Variants in NDFIP2 observed in about 807,000 individuals in gnomAD.
NDFIP2 encodes the protein NEDD4 family-interacting protein 2.
Under a neutral mutation model 36.0 loss-of-function variants are expected in NDFIP2, and 19 were observed. That is an observed-to-expected ratio of 0.53 (90% CI 0.37 to 0.77). The LOEUF (loss-of-function observed/expected upper bound fraction) is 0.77, where lower values mean the gene tolerates loss of function less well. NDFIP2 is among the 30% of genes least tolerant of loss of function. The probability of loss-of-function intolerance (pLI) is 0.00; values close to 1 mark genes in which losing one functional copy is unlikely to be tolerated. For missense variants in NDFIP2, 446 were observed against 435.8 expected (o/e 1.02, Z -0.21); for synonymous variants, 181 against 167.7 (o/e 1.08, Z -0.61).
intron 3 of NDFIP2, among the ~76,000 whole-genome samples, chr13:79,536,502 T>C (rs1374673156): frequency 6.6e-6 from 1 of 152,240 alleles, no homozygotes; most frequent in African/African-American, 2.4e-5. Flanking sequence ...TTTTAAAATA[T>C]TTTGATGTCT....
At chr13:79,494,877 C>T (rs963685017) in intron 1 of NDFIP2, among the ~76,000 whole-genome samples, 4 of 151,816 alleles carry the variant, frequency 2.6e-5, no homozygotes, top group African/African-American at 9.7e-5. Context: ...TGGAGATTTT[C>T]TAAATTCTTT....
intron 1 of NDFIP2, among the ~76,000 whole-genome samples, chr13:79,500,623 A>C (rs1055999644): frequency 3.3e-5 from 5 of 152,030 alleles, no homozygotes; most frequent in Non-Finnish European, 7.4e-5. Flanking sequence ...TTACCACTAC[A>C]TACCTGTTAC....
In NDFIP2 at chr13:79,543,571, C is replaced by G; in HGVS notation, c.729C>G (p.Phe243Leu). Reference protein sequence around the residue: ...FMLAFFMAFIFNWLGFCLSFC... With the variant: ...FMLAFFMAFILNWLGFCLSFC... ...TGTTGCTTTTAGTGGCATTTATTTT[C>G]AACTGGCTTGGATTTTGTTTATCCT... Residue 243 changes from phenylalanine (F) to leucine (L), a missense_variant, in exon 5 of 8, where the codon TTC (phenylalanine) becomes TTG (leucine). Physicochemically the swap from Phe to Leu is conservative, Grantham distance 22. Around this residue, in one of 2 missense-constraint regions of NDFIP2, gnomAD observed 77 missense variants for 131.0 expected, o/e 0.59. Transcript: ENST00000218652. 1 of 1,613,624 alleles carries G rather than the reference C, an allele frequency of 6.2e-7. No individual in the cohort carries two copies. The highest frequency in any genetic ancestry group is 1.3e-5 in the African/African-American group (1 of 75,008).
At chr13:79,521,024 A>G (rs763644072) in intron 2 of NDFIP2, 49 bp downstream of exon 2, 2 of 1,450,270 alleles carry the variant, frequency 1.4e-6, no homozygotes, top group South Asian at 1.3e-5. Context: ...TTTTTTTGAC[A>G]TTTTGGTTTT....
chr13:79,498,805 G>A (rs1420430366), intron 1 of NDFIP2, among the ~76,000 whole-genome samples: 1 of 151,920 alleles, frequency 6.6e-6, no homozygotes, highest in Admixed American at 6.6e-5. Context: ...CATCACGGGA[G>A]TTTTGGAGGA....
chr13:79,526,299 T>C (rs1003513600), intron 2 of NDFIP2, among the ~76,000 whole-genome samples: 6 of 152,124 alleles, frequency 3.9e-5, no homozygotes, highest in South Asian at 4.1e-4. Context: ...CTTTGAGAAC[T>C]AAAGAGGATA....
chr13:79,528,950 A>T (rs569630410), intron 2 of NDFIP2, among the ~76,000 whole-genome samples: 1 of 152,300 alleles, frequency 6.6e-6, no homozygotes, highest in Non-Finnish European at 1.5e-5. Flanking sequence ...TTTTGCAGAG[A>T]TTATATTCTC....
chr13:79,521,535 CATT>C (rs1379935692), intron 2 of NDFIP2, among the ~76,000 whole-genome samples: 13 of 152,058 alleles, frequency 8.5e-5, no homozygotes, highest in Admixed American at 8.5e-4. Flanking sequence ...TTTATATACT[CATT>C]ATGAAACATT....
chr13:79,499,328 A>C (rs888212909), intron 1 of NDFIP2, among the ~76,000 whole-genome samples: 3 of 152,006 alleles, frequency 2.0e-5, no homozygotes, highest in Non-Finnish European at 4.4e-5. Flanking sequence ...GAACCAGGCA[A>C]GGATGTCCTC....
At position 79,520,929 on chromosome 13, in the gene NDFIP2, C is replaced by G. The variant is rs1467050065; in HGVS notation, c.441C>G (p.Ser147=). The G allele has an allele frequency of 1.2e-6, 2 of 1,613,702 alleles. No homozygotes were observed. Among genetic ancestry groups the G allele is most frequent in the South Asian group, 2.2e-5 (2 of 91,050 alleles). ...SSAPALETDS[S]PPPYSSITVE... is the part of the protein sequence containing the mutation. ...CACCAGCACTTGAAACTGACTCTTC[C>G]CCTCCACCATATAGTAGTATTACTG... The change falls in exon 2 of 8, where the codon TCC becomes TCG. Residue 147 remains serine, a synonymous_variant. Coordinates refer to ENST00000218652, the MANE Select transcript of NDFIP2 (RefSeq NM_019080.3).
intron 1 of NDFIP2, among the ~76,000 whole-genome samples, chr13:79,508,439 C>T (rs1873952569): frequency 6.6e-6 from 1 of 152,204 alleles, no homozygotes; most frequent in Non-Finnish European, 1.5e-5. Flanking sequence ...CTCAGGGCTG[C>T]TGGTTGCTCA....
intron 1 of NDFIP2, among the ~76,000 whole-genome samples, chr13:79,514,846 ACT>A: frequency 6.6e-6 from 1 of 152,116 alleles, no homozygotes; most frequent in South Asian, 2.1e-4. Flanking sequence ...TTAAAAAGAT[ACT>A]CTTTCTGATT....
chr13:79,524,862 G>C (rs1428508192), intron 2 of NDFIP2, among the ~76,000 whole-genome samples: 1 of 152,172 alleles, frequency 6.6e-6, no homozygotes, highest in Admixed American at 6.5e-5. Flanking sequence ...CACGGTACCT[G>C]AGTTAATCTG....
intron 1 of NDFIP2, among the ~76,000 whole-genome samples, chr13:79,505,794 G>GA (rs1046261094): frequency 2.9e-3 from 425 of 146,902 alleles, no homozygotes; most frequent in Non-Finnish European, 4.5e-3. Flanking sequence ...GTGGGAAAGA[G>GA]AAAAAAAAAA....
intron 1 of NDFIP2, among the ~76,000 whole-genome samples, chr13:79,509,092 T>G (rs920892437): frequency 1.3e-5 from 2 of 152,218 alleles, no homozygotes; most frequent in African/African-American, 4.8e-5. Context: ...GAAACAGGTC[T>G]CAATTAATTT....
chr13:79,506,478 G>C lies in NDFIP2; in HGVS notation c.322-14332G>C, dbSNP rs183935408. On this transcript the variant is annotated intron_variant, in intron 1 of 7. Transcript: ENST00000218652. ...ACTCTTCTATTTTGGACAAGTAGTT[G>C]TTTTTTCCAGTTTCCTATTATTGTA... 3.3e-5 allele frequency among the ~76,000 whole-genome samples: 5 copies of C among 152,106 alleles called. 1 individual carries two copies. The East Asian group carries it at 9.6e-4, about 29-fold the overall frequency.
At chr13:79,533,482 G>T in intron 3 of NDFIP2, 26 bp downstream of exon 3, 1 of 1,569,964 alleles carries the variant, frequency 6.4e-7, no homozygotes, top group Admixed American at 2.0e-5. Flanking sequence ...CATTTCTTTT[G>T]ATAAAATTAT....
At chr13:79,537,156 G>A (rs1875273523) in intron 3 of NDFIP2, among the ~76,000 whole-genome samples, 1 of 151,976 alleles carries the variant, frequency 6.6e-6, no homozygotes, top group Non-Finnish European at 1.5e-5. Flanking sequence ...CTCCTAGGCT[G>A]GAATGCAGTA....
chr13:79,535,249 G>A (rs1193235451), intron 3 of NDFIP2, among the ~76,000 whole-genome samples: 1 of 152,152 alleles, frequency 6.6e-6, no homozygotes, highest in Non-Finnish European at 1.5e-5. Context: ...TGTTTGCCCA[G>A]AGACCTTAAG....
Sources: allele counts gnomAD v4.1 joint callset (sites outside exome capture counted in the v4.1 genomes callset), GRCh38; gene constraint gnomAD v4.1.1; regional missense constraint gnomAD v4.1.1; transcripts MANE v1.5; gene names NCBI Gene and HGNC (gene_info 2026-07-23, HGNC 2026-07-21).